ATP10B: variants seen among roughly 807,000 people sequenced by gnomAD.
ATP10B encodes phospholipid-transporting ATPase VB.
In ATP10B, 122 loss-of-function variants were observed where a neutral mutation model predicts 141.2. That is an observed-to-expected ratio of 0.86 (90% CI 0.75 to 1.00). ATP10B has a LOEUF of 1.00. ATP10B is among the 50% of genes least tolerant of loss of function. The pLI is 0.00. For synonymous variants in ATP10B, 685 were observed against 692.0 expected (o/e 0.99, Z 0.16); for missense variants, 1,876 against 1,825.3 (o/e 1.03, Z -0.51).
At chr5:160,673,251 T>C (rs1762825529) in intron 6 of ATP10B, among the ~76,000 whole-genome samples, 1 of 152,220 alleles carries the variant, frequency 6.6e-6, no homozygotes, top group South Asian at 2.1e-4. Context: ...ATTCTGTGCT[T>C]CCACTCCACC....
chr5:160,876,628 T>G, the ATP10B span, among the ~76,000 whole-genome samples: 131 of 151,864 alleles, frequency 8.6e-4, no homozygotes, highest in African/African-American at 3.1e-3. Flanking sequence ...ACAAAATTGA[T>G]AGACTGCTAG....
At chr5:160,658,954 G>A (rs752038113) in intron 7 of ATP10B, among the ~76,000 whole-genome samples, 5 of 151,878 alleles carry the variant, frequency 3.3e-5, no homozygotes, top group Non-Finnish European at 5.9e-5. Context: ...TAACTAATCC[G>A]TATACCATAT....
At chr5:160,829,998 G>A (rs867182260) in intron 1 of ATP10B, among the ~76,000 whole-genome samples, 2 of 152,132 alleles carry the variant, frequency 1.3e-5, no homozygotes, top group South Asian at 2.1e-4. Context: ...GTTGATAGGA[G>A]TGGTGGGAGT....
chr5:160,581,339 G>A (rs1355009323), intron 24 of ATP10B, among the ~76,000 whole-genome samples: 2 of 152,132 alleles, frequency 1.3e-5, no homozygotes, highest in Non-Finnish European at 2.9e-5. Context: ...AGAGATTCTG[G>A]TACATTGTGT....
At chr5:160,629,602 A>G (rs1758804213) in intron 13 of ATP10B, among the ~76,000 whole-genome samples, 1 of 152,242 alleles carries the variant, frequency 6.6e-6, no homozygotes, top group Non-Finnish European at 1.5e-5. Context: ...AGATATGTGA[A>G]CATTTGTTCA....
chr5:160,637,287 AT>A (rs1435808492), intron 10 of ATP10B, among the ~76,000 whole-genome samples: 1 of 151,456 alleles, frequency 6.6e-6, no homozygotes, highest in Non-Finnish European at 1.5e-5. Context: ...CCATCCATCC[AT>A]CCACCCTCCT....
intron 3 of ATP10B, among the ~76,000 whole-genome samples, chr5:160,716,150 A>C (rs749916564): frequency 6.6e-6 from 1 of 152,202 alleles, no homozygotes; most frequent in African/African-American, 2.4e-5. Context: ...TCATTCAGTA[A>C]ATGTCAAAAA....
chr5:160,878,387 A>G, the ATP10B span, among the ~76,000 whole-genome samples: 2 of 151,764 alleles, frequency 1.3e-5, no homozygotes, highest in African/African-American at 4.8e-5. Context: ...TCAATTCAAG[A>G]TGGATTAAAG....
Position 160,644,164 on chromosome 5 carries a change from A to G in ATP10B, c.842T>C (p.Met281Thr), listed in dbSNP as rs778651156. The G allele has an allele frequency of 6.2e-7, 1 of 1,614,002 alleles. No individual in the cohort carries two copies. Among genetic ancestry groups the G allele is most frequent in the East Asian group, 2.2e-5 (1 of 44,874 alleles). ...LRGCTIRNTEMAVGIVIYAGH... is the reference protein window; with the variant it reads ...LRGCTIRNTETAVGIVIYAGH... ...TGCATAGATGACAATGCCAACAGCC[A>G]TCTCGGTGTTTCTGATGGTGCAGCC... Residue 281 changes from methionine to threonine, a missense_variant, in exon 9 of 26, where the codon ATG becomes ACG. Transcript: ENST00000327245.
chr5:160,682,119 T>C (rs1050831505), intron 6 of ATP10B, among the ~76,000 whole-genome samples: 14 of 152,256 alleles, frequency 9.2e-5, no homozygotes, highest in African/African-American at 3.1e-4. Flanking sequence ...TATTTTTGTA[T>C]ACTTGAAAAA....
intron 2 of ATP10B, among the ~76,000 whole-genome samples, chr5:160,751,607 G>T (rs983289500): frequency 9.2e-5 from 14 of 151,998 alleles, no homozygotes; most frequent in African/African-American, 3.4e-4. Context: ...GTGACCTAGT[G>T]CTTTCATGCT....
chr5:160,565,119 C>T lies in ATP10B; in HGVS notation c.*334G>A, dbSNP rs192812944. 4.0e-5 allele frequency: 10 copies of T among 253,042 alleles called. No individual in the cohort carries two copies. Among genetic ancestry groups the T allele is most frequent in the African/African-American group, 1.1e-4 (5 of 44,830 alleles). 15.7% of individuals were successfully genotyped at this position (253,042 alleles called of 1,614,324 possible). On this transcript the variant is annotated 3_prime_UTR_variant, in exon 26 of 26. Coordinates refer to ENST00000327245, the MANE Select transcript of ATP10B (RefSeq NM_025153.3). Reference sequence around the variant, plus strand: ...ACACTTCTTGAATCTTGGAAACTTACGGCACTGGGTTGTAGGCTACGCTTA... The same window carrying T: ...ACACTTCTTGAATCTTGGAAACTTATGGCACTGGGTTGTAGGCTACGCTTA...
the ATP10B span, among the ~76,000 whole-genome samples, chr5:160,906,715 A>G: frequency 6.6e-6 from 1 of 152,224 alleles, no homozygotes; most frequent in Non-Finnish European, 1.5e-5. Flanking sequence ...CCAATGAAAC[A>G]TAACAGAGAT....
At chr5:160,807,447 T>G (rs1299102467) in intron 1 of ATP10B, among the ~76,000 whole-genome samples, 1 of 152,200 alleles carries the variant, frequency 6.6e-6, no homozygotes, top group African/African-American at 2.4e-5. Context: ...ATTTAGACAG[T>G]GAGGATACCT....
chr5:160,596,796 G>A (rs577848952), intron 22 of ATP10B, among the ~76,000 whole-genome samples: 1 of 152,298 alleles, frequency 6.6e-6, no homozygotes, highest in East Asian at 1.9e-4. Context: ...ACTCACAATT[G>A]CTTCAAAGAG....
At chr5:160,789,892 TCAA>T (rs1425082999) in intron 1 of ATP10B, among the ~76,000 whole-genome samples, 3 of 152,222 alleles carry the variant, frequency 2.0e-5, no homozygotes, top group Non-Finnish European at 4.4e-5. Context: ...AGTCATTCAA[TCAA>T]CAATGTATTC....
In ATP10B at chr5:160,638,091, C is replaced by A. The variant is rs1047213307; in HGVS notation, c.1001-1782G>T. Among the ~76,000 whole-genome samples the A allele has an allele frequency of 2.9e-4, 44 of 152,152 alleles. 1 individual carries two copies. The highest frequency in any genetic ancestry group is 2.9e-5 in the Non-Finnish European group (2 of 68,026). ...CTGGTGAGGAAAGAAGAAACACCAC[C>A]TTTACAAAATCAAAGTAAACATGTG... On this transcript the variant is annotated intron_variant, in intron 10 of 25. Transcript: ENST00000327245.
intron 24 of ATP10B, among the ~76,000 whole-genome samples, chr5:160,585,571 T>C (rs1755829269): frequency 6.6e-6 from 1 of 152,248 alleles, no homozygotes; most frequent in African/African-American, 2.4e-5. Context: ...CACTGCACTC[T>C]GGCCTGGATG....
chr5:160,621,251 C>A (rs1561661683), intron 14 of ATP10B, among the ~76,000 whole-genome samples: 1 of 152,204 alleles, frequency 6.6e-6, no homozygotes, highest in Non-Finnish European at 1.5e-5. Context: ...TCATTTCATC[C>A]TCCCAATAAT....
Sources: gnomAD v4.1 joint callset for allele counts (sites outside exome capture counted in the v4.1 genomes callset) on GRCh38, gnomAD v4.1.1 for gene constraint, MANE v1.5 for transcripts, NCBI Gene and HGNC (gene_info 2026-07-23, HGNC 2026-07-21) for gene names.